Variants in PNISR observed in about 807,000 individuals in gnomAD.
The protein encoded by PNISR is PNN interacting serine and arginine rich protein.
Under a neutral mutation model 93.4 loss-of-function variants are expected in PNISR, and 20 were observed. That is an observed-to-expected ratio of 0.21 (90% confidence interval 0.15 to 0.31). PNISR has a LOEUF of 0.31. Among genes scored for constraint, PNISR ranks in the 10% least tolerant of loss-of-function variants. The pLI is 1.00. For missense variants in PNISR, 893 were observed against 985.4 expected (o/e 0.91, Z 1.25); for synonymous variants, 305 against 306.5 (o/e 0.99, Z 0.05).
intron 1 of PNISR, among the ~76,000 whole-genome samples, chr6:99,420,929 T>C (rs192908830): frequency 2.6e-5 from 4 of 152,366 alleles, no homozygotes; most frequent in East Asian, 1.9e-4. Flanking sequence ...TTCTCCATAA[T>C]GTTTTGTCCA....
intron 11 of PNISR, 99 bp downstream of exon 11, chr6:99,402,441 A>G: frequency 1.1e-6 from 1 of 908,214 alleles, no homozygotes; most frequent in Non-Finnish European, 1.6e-6. Flanking sequence ...ATTATTTATA[A>G]TATAGCCTTT....
chr6:99,422,159 TG>T, intron 1 of PNISR, among the ~76,000 whole-genome samples: 1 of 152,174 alleles, frequency 6.6e-6, no homozygotes, highest in East Asian at 1.9e-4. Flanking sequence ...AGCCACCCCG[TG>T]TGGCCAAAAT....
At chr6:99,404,825 C>A (rs897793955) in intron 8 of PNISR, 123 bp from the exon 9 acceptor site, 5 of 573,528 alleles carry the variant, frequency 8.7e-6, no homozygotes, top group African/African-American at 3.8e-5. Context: ...GTTGCCCAGG[C>A]TGGATCATAC....
intron 1 of PNISR, chr6:99,425,007 C>G (rs1779301606): frequency 2.6e-6 from 1 of 382,506 alleles, no homozygotes; most frequent in African/African-American, 2.1e-5. Flanking sequence ...TGAGCACTCT[C>G]TTTAACAAGG....
At chr6:99,405,091 T>C (rs1775989697) in intron 8 of PNISR, among the ~76,000 whole-genome samples, 1 of 152,088 alleles carries the variant, frequency 6.6e-6, no homozygotes, top group Non-Finnish European at 1.5e-5. Context: ...AAAACCATTT[T>C]ATAAAATATT....
Position 99,401,021 on chromosome 6 carries a change from C to A in PNISR, c.1937G>T (p.Arg646Leu). The change falls in exon 12 of 12, where the codon CGT becomes CTT. Residue 646 changes from arginine to leucine, a missense_variant. Arg to Leu is a moderately radical substitution (Grantham distance 102). This residue lies in a region of PNISR where 866 missense variants were observed against 935.1 expected (regional missense o/e 0.93). Transcript: ENST00000369239. The part of the protein sequence containing the change: ...SRDRRKIDDQ[R>L]GNLSGNSHKH... Reference sequence around the variant, plus strand: ...ATGACTGTTCCCACTAAGATTTCCACGTTGATCATCAATTTTACGCCTATC... The same window carrying A: ...ATGACTGTTCCCACTAAGATTTCCAAGTTGATCATCAATTTTACGCCTATC... 1.2e-6 allele frequency: 2 copies of A among 1,613,798 alleles called. No individual in the cohort carries two copies. Among genetic ancestry groups the A allele is most frequent in the East Asian group, 2.2e-5 (1 of 44,876 alleles).
At chr6:99,411,482 G>T (rs1444577713) in intron 4 of PNISR, among the ~76,000 whole-genome samples, 3 of 152,144 alleles carry the variant, frequency 2.0e-5, no homozygotes, top group African/African-American at 7.2e-5. Context: ...AGTCATTTAA[G>T]AACTTAAACT....
At chr6:99,407,971 C>T in intron 7 of PNISR, 110 bp downstream of exon 7, 1 of 742,140 alleles carries the variant, frequency 1.3e-6, no homozygotes, top group East Asian at 2.5e-5. Flanking sequence ...TGAACGTAAT[C>T]TTAGGAACAT....
rs149665326 is a variant in PNISR, at chr6:99,413,927, T to C, written c.88+645A>G. ...GAATAACAATATGTACACAAGATTA[T>C]GCTAATTGTTTCAAAAAGTGAAAAA... On this transcript the variant is annotated intron_variant, in intron 3 of 11. Coordinates refer to ENST00000369239, the MANE Select transcript of PNISR (RefSeq NM_032870.4). Among the ~76,000 whole-genome samples, 439 of 152,350 alleles carry C rather than the reference T, an allele frequency of 2.9e-3. 3 individuals are homozygous for C. The highest frequency in any genetic ancestry group is 1.0e-2 in the African/African-American group (415 of 41,570).
chr6:99,415,932 T>G (rs1049885346), intron 2 of PNISR: 1 of 152,842 alleles, frequency 6.5e-6, no homozygotes. Flanking sequence ...TAGTTCTATC[T>G]GCGGCAGATA....
At chr6:99,404,343 T>G in intron 9 of PNISR, 1 of 463,502 alleles carries the variant, frequency 2.2e-6, no homozygotes, top group East Asian at 4.3e-5. Flanking sequence ...TGAAATAAAC[T>G]GAACACCTGG....
chr6:99,406,458 G>T (rs1425076221), intron 7 of PNISR, among the ~76,000 whole-genome samples: 1 of 151,966 alleles, frequency 6.6e-6, no homozygotes, highest in Non-Finnish European at 1.5e-5. Flanking sequence ...AAAACATAAT[G>T]CCCAGAGACT....
intron 1 of PNISR, among the ~76,000 whole-genome samples, chr6:99,422,895 A>AAAAAAAAC (rs1562268026): frequency 3.0e-5 from 4 of 132,996 alleles, no homozygotes; most frequent in Admixed American, 7.7e-5. Flanking sequence ...AAAAAAAAAA[A>AAAAAAAAC]AAAACTGGAG....
Position 99,400,678 on chromosome 6 carries a change from G to A in PNISR, c.2280C>T (p.Ser760=), listed in dbSNP as rs1299973466. The A allele has an allele frequency of 6.2e-7, 1 of 1,613,756 alleles. No individual in the cohort carries two copies. The highest frequency in any genetic ancestry group is 1.1e-5 in the South Asian group (1 of 91,026). ...KHSGSDSSGR[S]SSESPGSSKE... ...TGCTACTTCCTGGAGACTCAGAACT[G>A]CTCCTTCCACTAGAATCAGAGCCTG... The change falls in exon 12 of 12, where the codon AGC becomes AGT. Residue 760 remains serine, a synonymous_variant. Coordinates refer to ENST00000369239, the MANE Select transcript of PNISR (RefSeq NM_032870.4).
chr6:99,404,730 T>C (rs933528742), intron 8 of PNISR, 28 bp from the exon 9 acceptor site: 5 of 1,126,998 alleles, frequency 4.4e-6, no homozygotes, highest in Non-Finnish European at 6.7e-6. Flanking sequence ...ATACAGTATT[T>C]CTAATTATTA....
At chr6:99,404,865 A>G (rs1002737810) in intron 8 of PNISR, among the ~76,000 whole-genome samples, 163 bp from the exon 9 acceptor site, 2 of 151,524 alleles carry the variant, frequency 1.3e-5, no homozygotes, top group African/African-American at 4.9e-5. Flanking sequence ...TGCAACCCCT[A>G]CCTCCTGGGT....
rs1228600968 is a variant in PNISR, at chr6:99,412,802, A to G, written c.89-63T>C. 3.0e-5 allele frequency: 30 copies of G among 988,856 alleles called. 1 individual carries two copies. Among genetic ancestry groups the G allele is most frequent in the Middle Eastern group, 2.2e-4 (1 of 4,540 alleles). 61.3% of individuals were successfully genotyped at this position (988,856 alleles called of 1,614,324 possible). A position where few individuals can be genotyped will look rare whatever the true frequency, so the allele number is the denominator to read the frequency against. On this transcript the variant is annotated intron_variant, in intron 3 of 11. Transcript: ENST00000369239. ...TAGGAGTTAAAAGAATAGTGCCTCT[A>G]TGTAAAATAAGCAGCTCAACTATTC...
intron 9 of PNISR, 172 bp from the exon 10 acceptor site, chr6:99,404,054 T>A: frequency 1.8e-6 from 1 of 571,110 alleles, no homozygotes. Context: ...GCTTTGAAAT[T>A]ATAACTCTGA....
intron 9 of PNISR, 120 bp from the exon 10 acceptor site, chr6:99,404,002 C>T (rs1327971529): frequency 3.1e-6 from 2 of 643,854 alleles, no homozygotes; most frequent in African/African-American, 3.7e-5. Context: ...AGAGAAGAAA[C>T]ATTAAAAACA....
Sources: allele counts gnomAD v4.1 joint callset (sites outside exome capture counted in the v4.1 genomes callset), GRCh38; gene constraint gnomAD v4.1.1; regional missense constraint gnomAD v4.1.1; transcripts MANE v1.5; gene names NCBI Gene and HGNC (gene_info 2026-07-23, HGNC 2026-07-21).